The following LRP8 variants were observed in gnomAD, a reference collection of about 807,000 sequenced individuals.
LRP8 encodes the protein low-density lipoprotein receptor-related protein 8.
In LRP8, 46 loss-of-function variants were observed where a neutral mutation model predicts 111.6. The ratio of observed to expected loss-of-function variants is 0.41; its 90% CI spans 0.33 to 0.53. The LOEUF is 0.53. LRP8 is among the 20% of genes least tolerant of loss of function. The pLI is 0.20. For synonymous variants in LRP8, 464 were observed against 511.2 expected, an observed-to-expected ratio of 0.91 and a Z score of 1.24; for missense variants, 959 against 1,297.4, an observed-to-expected ratio of 0.74 and a Z score of 4.01.
chr1:53,258,153 T>C (rs1357136669), intron 14 of LRP8, 166 bp downstream of exon 14: 4 of 557,722 alleles, frequency 7.2e-6, no homozygotes, highest in Non-Finnish European at 9.1e-6. Context: ...CCTGGGGGCA[T>C]GAGCATTCAA....
chr1:53,255,632 TGCATTATCA>T (rs1462542067), intron 15 of LRP8, among the ~76,000 whole-genome samples: 1 of 152,218 alleles, frequency 6.6e-6, no homozygotes, highest in African/African-American at 2.4e-5. Flanking sequence ...TCTGTCCATC[TGCATTATCA>T]GATTATTTTT....
At chr1:53,267,144 A>T (rs1646598409) in intron 8 of LRP8, 1 of 159,154 alleles carries the variant, frequency 6.3e-6, no homozygotes, top group African/African-American at 2.4e-5. Context: ...TTCAAGAAGG[A>T]ACTACCTGAG....
In LRP8 at chr1:53,279,905, G is replaced by A. The variant is rs1647048385; in HGVS notation, c.496+682C>T. 2.0e-5 allele frequency among the ~76,000 whole-genome samples: 3 copies of A among 152,250 alleles called. No homozygotes were observed. Among genetic ancestry groups the A allele is most frequent in the Non-Finnish European group, 4.4e-5 (3 of 68,040 alleles). On this transcript the variant is annotated intron_variant, in intron 4 of 18. Coordinates refer to ENST00000306052, the MANE Select transcript of LRP8 (RefSeq NM_004631.5). The surrounding 1 kb of genome is among the most constrained non-coding windows in gnomAD (Gnocchi z 4.4). ...AGTAGGTGCCCCTCGAATTGAAAAA[G>A]TGAGGCCTGGCCATGCTCCCCAATG... is the stretch of plus-strand genomic sequence containing the variant.
rs1362872151 is a variant in LRP8, at chr1:53,266,617, T to G, written c.1283A>C (p.Asn428Thr). 5.0e-6 allele frequency: 8 copies of G among 1,613,970 alleles called. No homozygotes were observed. Among genetic ancestry groups the G allele is most frequent in the Non-Finnish European group, 6.8e-6 (8 of 1,179,970 alleles). The change falls in exon 9 of 19, where the codon AAC (asparagine) becomes ACC (threonine). Residue 428 changes from asparagine to threonine, a missense_variant. By Grantham distance (65) the Asn-to-Thr change is moderately conservative. This residue lies in a region of LRP8 where 819 missense variants were observed against 1,097.6 expected (regional missense o/e 0.75). Coordinates refer to ENST00000306052, the MANE Select transcript of LRP8 (RefSeq NM_004631.5). The surrounding 1 kb of genome is among the most constrained non-coding windows in gnomAD (Gnocchi z 5.0). Reference sequence around the variant, plus strand: ...GTCGATCCTCCGCACCTCGTGCCGGTTGGTGAAGATTAGGGATGGGCTCTT... The same window carrying G: ...GTCGATCCTCCGCACCTCGTGCCGGGTGGTGAAGATTAGGGATGGGCTCTT... ...AGKSPSLIFT[N>T]RHEVRRIDLV...
Position 53,254,539 on chromosome 1 carries a change from T to C in LRP8, c.2503+578A>G, listed in dbSNP as rs77324108. On this transcript the variant is annotated intron_variant, in intron 16 of 18. Coordinates refer to ENST00000306052, the MANE Select transcript of LRP8 (RefSeq NM_004631.5). ...AACCTTAGGACCTACCAGGTCGTAA[T>C]GAACTTATCTGTGTTATGTGGGTCT... 0.015 allele frequency among the ~76,000 whole-genome samples: 2,227 copies of C among 152,154 alleles called. 117 individuals are homozygous for C. The East Asian group carries it at 0.2, about 13-fold the overall frequency.
At chr1:53,299,676 A>G (rs1341092662) in intron 2 of LRP8, among the ~76,000 whole-genome samples, 1 of 152,246 alleles carries the variant, frequency 6.6e-6, no homozygotes, top group African/African-American at 2.4e-5. Flanking sequence ...ACTCTGTGAT[A>G]TCGCTGAGGC....
chr1:53,296,739 G>C (rs72895356), intron 2 of LRP8, among the ~76,000 whole-genome samples: 1 of 152,336 alleles, frequency 6.6e-6, no homozygotes, highest in East Asian at 1.9e-4. Flanking sequence ...AGTAATGAGA[G>C]GGGGAGGAGA....
At position 53,246,925 on chromosome 1, in the gene LRP8, C is replaced by T. The variant is rs1347864917; in HGVS notation, c.*93G>A. 5 of 1,151,318 alleles carry T rather than the reference C, an allele frequency of 4.3e-6. No individual in the cohort carries two copies. The highest frequency in any genetic ancestry group is 6.4e-6 in the Non-Finnish European group (5 of 784,798). The allele number at this position is 1,151,318 out of a possible 1,614,324, so 71.3% of individuals were successfully genotyped here. On this transcript the variant is annotated 3_prime_UTR_variant, in exon 19 of 19. Coordinates refer to ENST00000306052, the MANE Select transcript of LRP8 (RefSeq NM_004631.5). Reference sequence around the variant, plus strand: ...ACACACACATACACTCACACAGACCCATATATAGAAACCCATTCATCCAGT... The same window carrying T: ...ACACACACATACACTCACACAGACCTATATATAGAAACCCATTCATCCAGT...
chr1:53,274,580 A>AAGAGAGGGTCAGAGC, intron 6 of LRP8: 1 of 410,200 alleles, frequency 2.4e-6, no homozygotes, highest in Non-Finnish European at 5.0e-6. Flanking sequence ...CATGAATCCA[A>AAGAGAGGGTCAGAGC]AGAGAGGGTC....
chr1:53,327,134 T>C (rs1182862650), intron 1 of LRP8, 142 bp from the exon 2 acceptor site: 14 of 1,158,816 alleles, frequency 1.2e-5, no homozygotes, highest in South Asian at 1.6e-5. Flanking sequence ...GCACACTCCA[T>C]CCAAAGGGAG....
chr1:53,310,645 G>C (rs962159749), intron 2 of LRP8, among the ~76,000 whole-genome samples: 80 of 152,308 alleles, frequency 5.3e-4, no homozygotes, highest in Non-Finnish European at 8.8e-5. Context: ...GATCAGCCAG[G>C]GTGTCTGTGT....
rs1012834752 is a variant in LRP8 at position 53,289,636 on chromosome 1, G to C, written c.298C>G (p.His100Asp). 1 of 1,613,640 alleles carries C rather than the reference G, an allele frequency of 6.2e-7. No homozygotes were observed. Among genetic ancestry groups the C allele is most frequent in the Admixed American group, 1.7e-5 (1 of 59,968 alleles). Residue 100 changes from histidine to aspartate, a missense_variant, in exon 3 of 19, where the codon CAC becomes GAC. His to Asp is a moderately conservative substitution (Grantham distance 81). Coordinates refer to ENST00000306052, the MANE Select transcript of LRP8 (RefSeq NM_004631.5). ...TCGCCGTCACACTTCCACCGTTCGT[G>C]GATGCAGTGGCCGTTGTCACAGGTG... ...DFTCDNGHCI[H>D]ERWKCDGEEE...
chr1:53,316,809 G>A (rs919297731), intron 2 of LRP8, among the ~76,000 whole-genome samples: 11 of 152,334 alleles, frequency 7.2e-5, no homozygotes, highest in South Asian at 4.1e-4. Flanking sequence ...AGCCCTCTCC[G>A]GGTGGGACCA....
chr1:53,264,372 G>A lies in LRP8; in HGVS notation c.1452C>T (p.Asp484=), dbSNP rs748526298. The part of the protein sequence containing the change: ...IYSAYMDKAS[D]PKEQEVLIDE... ...CAATGAGGACCTCCTGCTCTTTCGG[G>A]TCACTGGCCTTGTCCATGTAGGCGC... Residue 484 remains aspartate (D), a synonymous_variant, in exon 10 of 19, where the codon GAC becomes GAT. Transcript: ENST00000306052. 5.6e-5 allele frequency: 91 copies of A among 1,613,814 alleles called. No individual in the cohort carries two copies. Among genetic ancestry groups the A allele is most frequent in the Non-Finnish European group, 3.4e-6 (4 of 1,179,914 alleles).
rs751227559 is a variant in LRP8 at position 53,250,808 on chromosome 1, C to T, written c.2558G>A (p.Arg853Gln). The change falls in exon 17 of 19, where the codon CGG becomes CAG. Residue 853 changes from arginine (R) to glutamine (Q), a missense_variant. Transcript: ENST00000306052. This position sits in a 1 kb window ranked among gnomAD's most constrained non-coding sequence, Gnocchi z 4.6. ...AAAATTCATGCTTTTGGTGTTCTTC[C>T]GCTTCCAGTTTCTCCAGATCAGGTA... Reference protein sequence around the residue: ...SGYLIWRNWKRKNTKSMNFDN... With the variant: ...SGYLIWRNWKQKNTKSMNFDN... 20 of 1,613,954 alleles carry T rather than the reference C, an allele frequency of 1.2e-5. No individual in the cohort carries two copies. The highest frequency in any genetic ancestry group is 5.0e-5 in the Admixed American group (3 of 59,988).
At chr1:53,269,940 T>A (rs935115465) in intron 8 of LRP8, among the ~76,000 whole-genome samples, 8 of 152,324 alleles carry the variant, frequency 5.3e-5, no homozygotes, top group African/African-American at 1.9e-4. Context: ...GCTGGCTGAA[T>A]TGATCAATGT....
intron 5 of LRP8, 50 bp downstream of exon 5, chr1:53,276,642 A>G: frequency 7.3e-7 from 1 of 1,364,300 alleles, no homozygotes; most frequent in Non-Finnish European, 9.8e-7. Context: ...CGGATCGGAT[A>G]GCGGATCCGC....
chr1:53,277,200 G>T, intron 4 of LRP8, 122 bp from the exon 5 acceptor site: 1 of 1,301,302 alleles, frequency 7.7e-7, no homozygotes, highest in Admixed American at 4.0e-5. Flanking sequence ...CCCTTTGGGG[G>T]CTGAATGGTG....
chr1:53,307,245 C>A (rs1652149276), intron 2 of LRP8: 1 of 152,274 alleles, frequency 6.6e-6, no homozygotes, highest in Non-Finnish European at 1.5e-5. Context: ...TTTGGGTTTT[C>A]CCATCTGTCA....
Sources: gnomAD v4.1 joint callset for allele counts (sites outside exome capture counted in the v4.1 genomes callset) on GRCh38, gnomAD v4.1.1 for gene constraint, gnomAD v4.1.1 regional missense constraint, Gnocchi (gnomAD v3.1) non-coding constraint, MANE v1.5 for transcripts, NCBI Gene and HGNC (gene_info 2026-07-23, HGNC 2026-07-21) for gene names.